Variants in INTS13 observed in about 807,000 individuals in gnomAD.
INTS13 encodes the protein asunder, spermatogenesis regulator homolog (Drosphila).
A neutral mutation model predicts 90.2 loss-of-function variants in INTS13; 35 were observed. That is an observed-to-expected ratio of 0.39 (90% confidence interval 0.30 to 0.51). The LOEUF (loss-of-function observed/expected upper bound fraction) is 0.51. Ranked by LOEUF, INTS13 falls within the 20% of genes least tolerant of loss-of-function variation. The pLI is 0.80. For synonymous variants in INTS13, 309 were observed against 277.1 expected (o/e 1.11, Z -1.14); for missense variants, 601 against 851.2 (o/e 0.71, Z 3.66).
chr12:26,935,104 C>CGTAT (rs1011375666), intron 2 of INTS13, among the ~76,000 whole-genome samples: 3 of 152,116 alleles, frequency 2.0e-5, no homozygotes, highest in Admixed American at 2.0e-4. Context: ...TAAGCATATA[C>CGTAT]CCTGGAAAGG....
intron 3 of INTS13, among the ~76,000 whole-genome samples, chr12:26,930,195 G>A (rs115704976): frequency 0.011 from 1,711 of 152,292 alleles, 27 homozygotes; most frequent in African/African-American, 0.039. Context: ...CCATGCTCAT[G>A]GATTGGAAGA....
Position 26,916,099 on chromosome 12 carries a change from A to G in INTS13, c.1151T>C (p.Ile384Thr). 1 of 1,613,674 alleles carries G rather than the reference A, an allele frequency of 6.2e-7. No individual in the cohort carries two copies. The stretch of plus-strand genomic sequence containing the variant: ...AGAACTGCTAAGGACGTGCAAAAAA[A>G]TCTCTCCTCCATGGCTACTAAGCAT... ...SHMLSSHGGE[I>T]FLHVLSSSRS... Residue 384 changes from isoleucine to threonine, a missense_variant, in exon 11 of 17, where the codon ATT (isoleucine) becomes ACT (threonine). Coordinates refer to ENST00000261191, the MANE Select transcript of INTS13 (RefSeq NM_018164.3).
At chr12:26,925,937 T>G (rs564998089) in intron 5 of INTS13, 86 bp from the exon 6 acceptor site, 3 of 893,698 alleles carry the variant, frequency 3.4e-6, no homozygotes, top group African/African-American at 3.3e-5. Context: ...CCTTAACATA[T>G]TAAAACATCA....
At chr12:26,917,274 C>T (rs1592208052) in intron 10 of INTS13, 78 bp downstream of exon 10, 1 of 405,614 alleles carries the variant, frequency 2.5e-6, no homozygotes. Context: ...AATAATTTCA[C>T]TCAAATAATA....
intron 15 of INTS13, 132 bp downstream of exon 15, chr12:26,911,046 G>A: frequency 2.1e-6 from 2 of 950,366 alleles, no homozygotes; most frequent in East Asian, 2.8e-5. Flanking sequence ...TGCTGGCCAG[G>A]CTGGTCTTGA....
rs772976724 is a variant in INTS13, at chr12:26,906,474, T to C, written c.1946-37A>G. Reference sequence around the variant, plus strand: ...TTTAAAAGGAGAGAGAAAAAAAAGATAGAATAATTTATTATTTCCAAATTT... The same window carrying C: ...TTTAAAAGGAGAGAGAAAAAAAAGACAGAATAATTTATTATTTCCAAATTT... On this transcript the variant is annotated intron_variant, in intron 15 of 16. Transcript: ENST00000261191. The C allele has an allele frequency of 9.6e-6, 15 of 1,569,726 alleles. No homozygotes were observed. The South Asian group carries it at 1.3e-4, about 14-fold the overall frequency.
At chr12:26,909,614 T>C (rs1951716886) in intron 15 of INTS13, among the ~76,000 whole-genome samples, 2 of 152,148 alleles carry the variant, frequency 1.3e-5, no homozygotes, top group Admixed American at 1.3e-4. Flanking sequence ...AAACACTGTT[T>C]AGAGTAGACC....
At chr12:26,921,637 T>C (rs1036886594) in intron 8 of INTS13, among the ~76,000 whole-genome samples, 4 of 152,158 alleles carry the variant, frequency 2.6e-5, no homozygotes, top group South Asian at 2.1e-4. Context: ...TCAGTACCTG[T>C]GGTCAACTGC....
chr12:26,934,980 G>A (rs1046173194), intron 2 of INTS13, among the ~76,000 whole-genome samples: 7 of 152,192 alleles, frequency 4.6e-5, no homozygotes, highest in Non-Finnish European at 5.9e-5. Context: ...TTTAGATTAG[G>A]TGGTTACAGA....
At chr12:26,927,018 G>A (rs530196186) in intron 5 of INTS13, among the ~76,000 whole-genome samples, 21 of 152,316 alleles carry the variant, frequency 1.4e-4, no homozygotes, top group Admixed American at 1.3e-3. Flanking sequence ...CTTCTAGGTT[G>A]GTAAACACAT....
At chr12:26,921,456 C>T (rs989797171) in intron 8 of INTS13, among the ~76,000 whole-genome samples, 2 of 152,146 alleles carry the variant, frequency 1.3e-5, no homozygotes, top group African/African-American at 4.8e-5. Flanking sequence ...GTTCTATTAG[C>T]CCAGTCTTTT....
intron 15 of INTS13, among the ~76,000 whole-genome samples, chr12:26,910,069 A>C (rs1951729385): frequency 6.6e-6 from 1 of 152,240 alleles, no homozygotes; most frequent in Non-Finnish European, 1.5e-5. Context: ...TGGTGCCTAG[A>C]ATTCCTTCAA....
chr12:26,920,432 CT>C (rs1243335696), intron 8 of INTS13, among the ~76,000 whole-genome samples: 2 of 149,768 alleles, frequency 1.3e-5, no homozygotes, highest in African/African-American at 4.9e-5. Flanking sequence ...CAGAGTCTCG[CT>C]CTGTCGCCAG....
intron 14 of INTS13, 39 bp from the exon 15 acceptor site, chr12:26,911,356 T>A (rs774772607): frequency 6.4e-7 from 1 of 1,556,880 alleles, no homozygotes; most frequent in Non-Finnish European, 8.7e-7. Context: ...AAGTTCAAAT[T>A]TTTAGAAGTC....
At chr12:26,929,988 A>G (rs1938104337) in intron 3 of INTS13, among the ~76,000 whole-genome samples, 1 of 152,238 alleles carries the variant, frequency 6.6e-6, no homozygotes, top group Non-Finnish European at 1.5e-5. Flanking sequence ...TGTAGTATAC[A>G]AGATTAATAC....
intron 15 of INTS13, among the ~76,000 whole-genome samples, chr12:26,908,431 A>G (rs1181530754): frequency 6.6e-6 from 1 of 152,248 alleles, no homozygotes; most frequent in Non-Finnish European, 1.5e-5. Context: ...GAAAACAATA[A>G]AACACATAAA....
intron 5 of INTS13, among the ~76,000 whole-genome samples, chr12:26,926,837 C>G (rs577144431): frequency 6.6e-6 from 1 of 152,136 alleles, no homozygotes; most frequent in South Asian, 2.1e-4. Context: ...TGGACAGCTC[C>G]CCAATGGGGT....
chr12:26,912,476 A>C (rs1951808886), intron 14 of INTS13, among the ~76,000 whole-genome samples: 3 of 152,182 alleles, frequency 2.0e-5, no homozygotes, highest in Admixed American at 2.0e-4. Context: ...AAAAAAAGTG[A>C]CCTGGTGTTG....
Position 26,913,671 on chromosome 12 carries a change from T to C in INTS13, c.1591A>G (p.Ile531Val), listed in dbSNP as rs768056387. Residue 531 changes from isoleucine to valine, a missense_variant, in exon 14 of 17, where the codon ATC (isoleucine) becomes GTC (valine). Ile to Val is a conservative substitution (Grantham distance 29, BLOSUM62 3). Coordinates refer to ENST00000261191, the MANE Select transcript of INTS13 (RefSeq NM_018164.3). ...KGPKRDEQYR[I>V]MWNELETLVR... ...AGGGTTTCTAATTCATTCCACATGA[T>C]ACGGTATTGTTCATCTCTGCAGCAA... 1.2e-6 allele frequency: 2 copies of C among 1,613,072 alleles called. No homozygotes were observed. Among genetic ancestry groups the C allele is most frequent in the Non-Finnish European group, 1.7e-6 (2 of 1,179,348 alleles).
Sources: gnomAD v4.1 joint callset for allele counts (sites outside exome capture counted in the v4.1 genomes callset) on GRCh38, gnomAD v4.1.1 for gene constraint, MANE v1.5 for transcripts, NCBI Gene and HGNC (gene_info 2026-07-23, HGNC 2026-07-21) for gene names.